TBC1D32: variants seen among roughly 807,000 people sequenced by gnomAD.
TBC1D32 encodes TBC1 domain family member 32, also known as protein broad-minded.
TBC1D32 carries 151 observed loss-of-function variants against 170.3 expected under a neutral mutation model. The ratio of observed to expected loss-of-function variants is 0.89; its 90% confidence interval spans 0.78 to 1.01. TBC1D32 has a LOEUF of 1.01. Among genes scored for constraint, TBC1D32 ranks in the 50% least tolerant of loss-of-function variants. The pLI, the probability that TBC1D32 is intolerant of heterozygous loss-of-function variation, is 0.00. For synonymous variants in TBC1D32, 498 were observed against 488.0 expected (o/e 1.02, Z -0.27); for missense variants, 1,464 against 1,457.1 (o/e 1.00, Z -0.08).
At chr6:121,139,533 A>G (rs951737033) in intron 24 of TBC1D32, among the ~76,000 whole-genome samples, 3 of 152,196 alleles carry the variant, frequency 2.0e-5, no homozygotes, top group Non-Finnish European at 4.4e-5. Flanking sequence ...AACACCAGTG[A>G]ATAAGGATAT....
chr6:121,085,285 A>T (rs968869751), intron 31 of TBC1D32, among the ~76,000 whole-genome samples: 3 of 144,500 alleles, frequency 2.1e-5, no homozygotes, highest in Non-Finnish European at 4.5e-5. Flanking sequence ...ACGTATATAT[A>T]TACATATATA....
At chr6:121,081,872 T>C (rs1228193335) in intron 31 of TBC1D32, among the ~76,000 whole-genome samples, 2 of 152,078 alleles carry the variant, frequency 1.3e-5, no homozygotes, top group Admixed American at 6.6e-5. Context: ...ATTCTTATTT[T>C]GCCATCATTA....
intron 21 of TBC1D32, among the ~76,000 whole-genome samples, chr6:121,210,063 T>C (rs1052985018): frequency 6.6e-6 from 1 of 152,224 alleles, no homozygotes; most frequent in Admixed American, 6.5e-5. Context: ...TTTGTATCAT[T>C]CACCTTTAAT....
chr6:121,283,881 G>T lies in TBC1D32; in HGVS notation c.1402C>A (p.Leu468Ile), dbSNP rs1420767893. 6.8e-6 allele frequency: 11 copies of T among 1,610,712 alleles called. No homozygotes were observed. The highest frequency in any genetic ancestry group is 9.3e-6 in the Non-Finnish European group (11 of 1,178,034). ...GLVSLIDLLV[L>I]FTQLIYYSPS... ...GAGTAATAGATAAGTTGGGTAAAAA[G>T]AACAAGCAGATCTATGAGGGATACC... Residue 468 changes from leucine to isoleucine, a missense_variant, in exon 13 of 32, where the codon CTT becomes ATT. Leu to Ile is a conservative substitution (Grantham distance 5, BLOSUM62 2). Coordinates refer to ENST00000398212, the MANE Select transcript of TBC1D32 (RefSeq NM_152730.6).
intron 12 of TBC1D32, 143 bp from the exon 13 acceptor site, chr6:121,284,053 A>C: frequency 4.7e-6 from 3 of 631,666 alleles, no homozygotes; most frequent in Non-Finnish European, 8.4e-6. Context: ...CTATAATCTC[A>C]GATAGAAGAC....
intron 30 of TBC1D32, among the ~76,000 whole-genome samples, chr6:121,103,656 A>G (rs564360299): frequency 2.6e-4 from 40 of 151,658 alleles, no homozygotes; most frequent in Non-Finnish European, 4.9e-4. Flanking sequence ...ATGGGTGCAG[A>G]ACACCAACAT....
At chr6:121,136,830 A>C (rs971000577) in intron 24 of TBC1D32, among the ~76,000 whole-genome samples, 1 of 152,156 alleles carries the variant, frequency 6.6e-6, no homozygotes, top group Admixed American at 6.6e-5. Flanking sequence ...TATGTAAACA[A>C]GTATGTGTAT....
At position 121,094,850 on chromosome 6, in the gene TBC1D32, A is replaced by G. The variant is rs541936097; in HGVS notation, c.3466-3809T>C. ...ATACTATAAAGAATACTATAATAACATATTTGTGGATACGTATTTTCAAAT... is the reference window on the plus strand; with the variant it reads ...ATACTATAAAGAATACTATAATAACGTATTTGTGGATACGTATTTTCAAAT... On this transcript the variant is annotated intron_variant, in intron 30 of 31. Coordinates refer to ENST00000398212, the MANE Select transcript of TBC1D32 (RefSeq NM_152730.6). 1.1e-4 allele frequency among the ~76,000 whole-genome samples: 16 copies of G among 152,260 alleles called. No homozygotes were observed. The South Asian group carries it at 3.1e-3, about 30-fold the overall frequency.
Position 121,317,561 on chromosome 6 carries a change from G to A in TBC1D32, c.429C>T (p.Ile143=). 1 of 1,612,650 alleles carries A rather than the reference G, an allele frequency of 6.2e-7. No homozygotes were observed. The highest frequency in any genetic ancestry group is 8.5e-7 in the Non-Finnish European group (1 of 1,179,282). The change falls in exon 3 of 32, where the codon ATC becomes ATT. Residue 143 remains isoleucine (I), a synonymous_variant. Coordinates refer to ENST00000398212, the MANE Select transcript of TBC1D32 (RefSeq NM_152730.6). ...ETRNQERQKK[I]QKEKSHSYRT... ...GGTAACTATGGCTTTTCTCCTTTTG[G>A]ATTTTTTTCTGCCTTTCTTGATTTC... is the stretch of plus-strand genomic sequence containing the variant.
chr6:121,206,918 C>A (rs1792350118), intron 21 of TBC1D32, among the ~76,000 whole-genome samples: 2 of 152,122 alleles, frequency 1.3e-5, no homozygotes, highest in African/African-American at 4.8e-5. Context: ...TCTCCTTTAA[C>A]CTCTCTACTT....
intron 14 of TBC1D32, 76 bp from the exon 15 acceptor site, chr6:121,279,321 G>T: frequency 6.7e-7 from 1 of 1,489,802 alleles, no homozygotes; most frequent in Non-Finnish European, 9.0e-7. Flanking sequence ...AAAATCCGAG[G>T]ATTGTAAGTA....
At chr6:121,085,506 T>C (rs893535999) in intron 31 of TBC1D32, among the ~76,000 whole-genome samples, 2 of 151,588 alleles carry the variant, frequency 1.3e-5, no homozygotes, top group African/African-American at 4.8e-5. Context: ...CCTTAAATTT[T>C]CGAATCCTTG....
chr6:121,246,950 T>C (rs758561437), intron 17 of TBC1D32, among the ~76,000 whole-genome samples: 12 of 150,850 alleles, frequency 8.0e-5, no homozygotes, highest in Non-Finnish European at 1.0e-4. Context: ...TAGGGAATAA[T>C]TGAGGAAAAG....
At chr6:121,191,604 G>A (rs1157408547) in intron 22 of TBC1D32, among the ~76,000 whole-genome samples, 1 of 152,104 alleles carries the variant, frequency 6.6e-6, no homozygotes, top group Non-Finnish European at 1.5e-5. Flanking sequence ...TCAGATCTGT[G>A]TTTTAGAAAA....
intron 21 of TBC1D32, among the ~76,000 whole-genome samples, chr6:121,213,031 A>T (rs553741196): frequency 1.3e-5 from 2 of 152,282 alleles, no homozygotes; most frequent in South Asian, 4.1e-4. Flanking sequence ...AATAAACTAG[A>T]TATTGAAGGA....
chr6:121,096,527 C>A (rs1027229974), intron 30 of TBC1D32, among the ~76,000 whole-genome samples: 15 of 152,068 alleles, frequency 9.9e-5, no homozygotes, highest in Non-Finnish European at 2.9e-5. Flanking sequence ...CTACAAACCA[C>A]TGATCAAGGA....
chr6:121,176,317 C>T (rs945299505), intron 22 of TBC1D32, among the ~76,000 whole-genome samples: 1 of 152,078 alleles, frequency 6.6e-6, no homozygotes, highest in Non-Finnish European at 1.5e-5. Flanking sequence ...CCAGGTACAG[C>T]AAATAGCTTC....
intron 20 of TBC1D32, among the ~76,000 whole-genome samples, chr6:121,227,685 T>C (rs1795244987): frequency 6.6e-6 from 1 of 152,146 alleles, no homozygotes; most frequent in African/African-American, 2.4e-5. Flanking sequence ...AATGGTCCTT[T>C]TATATACTGC....
At chr6:121,249,953 C>T (rs1563076004) in intron 17 of TBC1D32, among the ~76,000 whole-genome samples, 1 of 151,558 alleles carries the variant, frequency 6.6e-6, no homozygotes, top group African/African-American at 2.4e-5. Context: ...AAAATACCAC[C>T]ATCATTCTTC....
Sources: gnomAD v4.1 joint callset for allele counts (sites outside exome capture counted in the v4.1 genomes callset) on GRCh38, gnomAD v4.1.1 for gene constraint, MANE v1.5 for transcripts, NCBI Gene and HGNC (gene_info 2026-07-23, HGNC 2026-07-21) for gene names.